Variants in PIK3CB observed in about 807,000 individuals in gnomAD.
PIK3CB encodes phosphatidylinositol-4,5-bisphosphate 3-kinase catalytic subunit beta, also known as phosphatidylinositol 4,5-bisphosphate 3-kinase catalytic subunit beta isoform.
A neutral mutation model predicts 136.8 loss-of-function variants in PIK3CB; 39 were observed. The ratio of observed to expected loss-of-function variants is 0.29; its 90% confidence interval spans 0.22 to 0.37. The LOEUF is 0.37. Ranked by LOEUF, PIK3CB falls within the 10% of genes least tolerant of loss-of-function variation. The probability of loss-of-function intolerance (pLI) is 1.00; values close to 1 mark genes in which losing one functional copy is unlikely to be tolerated. For synonymous variants in PIK3CB, 428 were observed against 436.6 expected, an observed-to-expected ratio of 0.98 and a Z score of 0.25; for missense variants, 868 against 1,275.4, an observed-to-expected ratio of 0.68 and a Z score of 4.87.
intron 8 of PIK3CB, among the ~76,000 whole-genome samples, chr3:138,721,677 G>A (rs1387377756): frequency 2.0e-5 from 3 of 152,110 alleles, no homozygotes; most frequent in Non-Finnish European, 4.4e-5. Flanking sequence ...TTCAATTAAA[G>A]ATAAACCATC....
chr3:138,656,299 T>C (rs554178429), intron 22 of PIK3CB, 25 bp from the exon 23 acceptor site: 3 of 1,613,556 alleles, frequency 1.9e-6, no homozygotes, highest in African/African-American at 1.3e-5. Flanking sequence ...GCAAACCACA[T>C]GAGCACAGTG....
At chr3:138,759,702 G>A (rs361072) in intron 2 of PIK3CB, among the ~76,000 whole-genome samples, 91,471 of 151,896 alleles carry the variant, frequency 0.6, 28,395 homozygotes, top group East Asian at 0.98. Flanking sequence ...ATTCAACATA[G>A]ATATTTGACA....
chr3:138,737,039 T>TA lies in PIK3CB; in HGVS notation c.801+667dup, dbSNP rs539526307. Among the ~76,000 whole-genome samples the TA allele has an allele frequency of 2.0e-3, 305 of 152,090 alleles. 1 individual carries two copies. The highest frequency in any genetic ancestry group is 7.0e-3 in the African/African-American group (291 of 41,480). On this transcript the variant is annotated intron_variant, in intron 6 of 23. Coordinates refer to ENST00000674063, the MANE Select transcript of PIK3CB (RefSeq NM_006219.3). ...TGAAATAGAAAGCAGCTATAAGTGT[T>TA]AAAAAAATTCATAATGATATAAGAC...
intron 1 of PIK3CB, among the ~76,000 whole-genome samples, chr3:138,824,028 A>G (rs1933673657): frequency 6.6e-6 from 1 of 152,098 alleles, no homozygotes; most frequent in Non-Finnish European, 1.5e-5. Context: ...TCTTTTCTCA[A>G]CTTCACAACT....
chr3:138,736,841 A>C (rs1331542146), intron 6 of PIK3CB, among the ~76,000 whole-genome samples: 2 of 152,178 alleles, frequency 1.3e-5, no homozygotes, highest in Non-Finnish European at 2.9e-5. Flanking sequence ...AGTAACAAAA[A>C]AGGGGCAAGG....
At chr3:138,739,545 A>G (rs1219353094) in intron 5 of PIK3CB, among the ~76,000 whole-genome samples, 1 of 151,216 alleles carries the variant, frequency 6.6e-6, no homozygotes, top group Admixed American at 6.6e-5. Context: ...GTACGTATGG[A>G]CCAGGAAGCA....
intron 11 of PIK3CB, among the ~76,000 whole-genome samples, chr3:138,705,179 AACAAAACAAACAAAAAAAAAAAC>A (rs1559828683): frequency 8.2e-5 from 7 of 85,714 alleles, no homozygotes; most frequent in African/African-American, 3.6e-4. Flanking sequence ...AAAAACAAAA[AACAAAACAAACAAAAAAAAAAAC>A]TTATATTTGC....
chr3:138,708,306 GT>G (rs1366014639), intron 10 of PIK3CB, among the ~76,000 whole-genome samples: 8 of 137,546 alleles, frequency 5.8e-5, no homozygotes, highest in African/African-American at 2.2e-4. Context: ...TGTCACCCAG[GT>G]TGGGGTGCAG....
chr3:138,727,998 C>A, intron 8 of PIK3CB, among the ~76,000 whole-genome samples: 1 of 152,002 alleles, frequency 6.6e-6, no homozygotes, highest in East Asian at 1.9e-4. Context: ...ACCTCGAGAT[C>A]CGCCCGCCTC....
At chr3:138,793,593 G>A (rs759611578) in intron 2 of PIK3CB, among the ~76,000 whole-genome samples, 45 of 149,482 alleles carry the variant, frequency 3.0e-4, no homozygotes, top group Admixed American at 1.4e-3. Context: ...GCGTTGCAGC[G>A]AGACTCTGGC....
chr3:138,807,150 C>T (rs2046243054), intron 1 of PIK3CB, among the ~76,000 whole-genome samples: 1 of 152,118 alleles, frequency 6.6e-6, no homozygotes, highest in South Asian at 2.1e-4. Flanking sequence ...CTTATTTATC[C>T]AGGCCAGGTG....
intron 2 of PIK3CB, among the ~76,000 whole-genome samples, chr3:138,776,124 G>A (rs1006519925): frequency 6.6e-5 from 10 of 152,012 alleles, no homozygotes; most frequent in African/African-American, 1.4e-4. Context: ...CCTGAACCCC[G>A]GAGGCAAAGG....
chr3:138,787,043 A>G (rs912160593), intron 2 of PIK3CB, among the ~76,000 whole-genome samples: 2 of 152,240 alleles, frequency 1.3e-5, no homozygotes, highest in Non-Finnish European at 2.9e-5. Flanking sequence ...ACTCAACAAT[A>G]TCATCTTTAT....
At chr3:138,799,052 T>G (rs1377441485) in intron 1 of PIK3CB, among the ~76,000 whole-genome samples, 7 of 151,744 alleles carry the variant, frequency 4.6e-5, no homozygotes, top group Admixed American at 4.6e-4. Context: ...CGAAACCCAA[T>G]CTCTACTAAA....
At chr3:138,733,510 G>A in intron 7 of PIK3CB, 72 bp from the exon 8 acceptor site, 1 of 763,810 alleles carries the variant, frequency 1.3e-6, no homozygotes, top group South Asian at 1.6e-5. Context: ...CAATGCAATT[G>A]TCATCAGTTC....
rs2045886017 is a variant in PIK3CB, at chr3:138,778,515, A to G, written c.-17+17948T>C. On this transcript the variant is annotated intron_variant, in intron 2 of 23. Transcript: ENST00000674063. ...AGGGAGCTCACTGGCATAGCCTTCT[A>G]TGTCCCCACAGCCAATGTGTCCATC... 6.8e-5 allele frequency: 16 copies of G among 236,732 alleles called. No individual in the cohort carries two copies. The South Asian group carries it at 7.3e-4, about 11-fold the overall frequency. 14.7% of individuals were successfully genotyped at this position (236,732 alleles called of 1,614,324 possible).
At chr3:138,728,565 C>G (rs908264828) in intron 8 of PIK3CB, among the ~76,000 whole-genome samples, 7 of 151,956 alleles carry the variant, frequency 4.6e-5, no homozygotes, top group African/African-American at 1.2e-4. Context: ...ATCATGAGGT[C>G]AGGAGATCGA....
At chr3:138,676,104 C>A (rs2043636928) in intron 19 of PIK3CB, among the ~76,000 whole-genome samples, 1 of 151,962 alleles carries the variant, frequency 6.6e-6, no homozygotes, top group African/African-American at 2.4e-5. Flanking sequence ...ATAAAGAATT[C>A]TTATAACTTA....
chr3:138,720,351 G>A (rs1010950215), intron 8 of PIK3CB, among the ~76,000 whole-genome samples: 8 of 152,116 alleles, frequency 5.3e-5, no homozygotes, highest in Non-Finnish European at 1.2e-4. Flanking sequence ...AAACTTTGTA[G>A]CCATCACTAA....
Sources: gnomAD v4.1 joint callset for allele counts (sites outside exome capture counted in the v4.1 genomes callset) on GRCh38, gnomAD v4.1.1 for gene constraint, MANE v1.5 for transcripts, NCBI Gene and HGNC (gene_info 2026-07-23, HGNC 2026-07-21) for gene names.